The following PHC3 variants were observed in gnomAD, a reference collection of about 807,000 sequenced individuals.
PHC3 encodes the protein polyhomeotic homolog 3, also known as polyhomeotic-like protein 3.
In PHC3, 13 loss-of-function variants were observed where a neutral mutation model predicts 107.4. The observed-to-expected ratio is 0.12, with a 90% CI of 0.08 to 0.19. The LOEUF is 0.19. Ranked by LOEUF, PHC3 falls within the 10% of genes least tolerant of loss-of-function variation. The probability of loss-of-function intolerance (pLI) is 1.00; values close to 1 mark genes in which losing one functional copy is unlikely to be tolerated. For missense variants in PHC3, 992 were observed against 1,210.9 expected (o/e 0.82, Z 2.68); for synonymous variants, 456 against 427.4 (o/e 1.07, Z -0.83).
chr3:170,116,780 G>A (rs970172861), intron 10 of PHC3, among the ~76,000 whole-genome samples: 7 of 151,492 alleles, frequency 4.6e-5, no homozygotes, highest in African/African-American at 7.3e-5. Flanking sequence ...GCACGGTGGC[G>A]CACACCTGTA....
intron 11 of PHC3, among the ~76,000 whole-genome samples, chr3:170,108,212 T>C (rs953276962): frequency 2.0e-5 from 3 of 152,324 alleles, no homozygotes; most frequent in Admixed American, 6.5e-5. Flanking sequence ...AGCTTTTAGC[T>C]GTGAACTCCA....
intron 2 of PHC3, among the ~76,000 whole-genome samples, chr3:170,173,475 T>C (rs1309118034): frequency 6.6e-6 from 1 of 152,220 alleles, no homozygotes; most frequent in Non-Finnish European, 1.5e-5. Context: ...GAAATACCTT[T>C]ACCATGCAAC....
At position 170,178,879 on chromosome 3, in the gene PHC3, G is replaced by A; in HGVS notation, c.74C>T (p.Ser25Leu). ...TEPNPGTSSV[S>L]TTTSSTTTTT... is the part of the protein sequence containing the mutation. ...GGTGGTGGTACTGCTGGTTGTTGTT[G>A]ACACAGAAGATGTTCCCGGGTTTGG... Residue 25 changes from serine to leucine, a missense_variant, in exon 2 of 15, where the codon TCA (serine) becomes TTA (leucine). This residue lies in a region of PHC3 where 161 missense variants were observed against 183.7 expected (regional missense o/e 0.88). Coordinates refer to ENST00000495893, the MANE Select transcript of PHC3 (RefSeq NM_024947.4). The A allele has an allele frequency of 6.2e-7, 1 of 1,613,934 alleles. No homozygotes were observed. Among genetic ancestry groups the A allele is most frequent in the Non-Finnish European group, 8.5e-7 (1 of 1,179,826 alleles).
At position 170,117,440 on chromosome 3, in the gene PHC3, G is replaced by A; in HGVS notation, c.1979C>T (p.Ala660Val). ...VELPAVASVS[A>V]SVIKSPSDPS... ...ATCTGATGGAGATTTAATTACTGAA[G>A]CACTGACTGATGCCACAGCAGGTAA... The change falls in exon 10 of 15, where the codon GCT (alanine) becomes GTT (valine). Residue 660 changes from alanine to valine, a missense_variant. Physicochemically the swap from Ala to Val is moderately conservative, Grantham distance 64 (BLOSUM62 0). This residue lies in a region of PHC3 where 543 missense variants were observed against 590.8 expected (regional missense o/e 0.92). Coordinates refer to ENST00000495893, the MANE Select transcript of PHC3 (RefSeq NM_024947.4). 6.2e-7 allele frequency: 1 copy of A among 1,613,480 alleles called. No individual in the cohort carries two copies. The highest frequency in any genetic ancestry group is 8.5e-7 in the Non-Finnish European group (1 of 1,179,712).
At position 170,117,287 on chromosome 3, in the gene PHC3, G is replaced by C. The variant is rs111721883; in HGVS notation, c.2132C>G (p.Pro711Arg). Residue 711 changes from proline to arginine, a missense_variant, in exon 10 of 15, where the codon CCA (proline) becomes CGA (arginine). Coordinates refer to ENST00000495893, the MANE Select transcript of PHC3 (RefSeq NM_024947.4). ...TTCAATAACATGGGTTAGGATCTGT[G>C]GTTTAACAATAGCCTGTGGAGGTTT... ...ENKPPQAIVK[P>R]QILTHVIEGF... The C allele has an allele frequency of 6.2e-7, 1 of 1,613,826 alleles. No homozygotes were observed. The highest frequency in any genetic ancestry group is 8.5e-7 in the Non-Finnish European group (1 of 1,179,862).
chr3:170,123,280 T>C (rs991494838), intron 8 of PHC3, among the ~76,000 whole-genome samples: 1 of 151,976 alleles, frequency 6.6e-6, no homozygotes, highest in Non-Finnish European at 1.5e-5. Flanking sequence ...ATATCTCTCC[T>C]TTTCTGTTCT....
chr3:170,180,612 A>T (rs928717721), intron 1 of PHC3, among the ~76,000 whole-genome samples: 4 of 149,746 alleles, frequency 2.7e-5, no homozygotes, highest in African/African-American at 4.9e-5. Context: ...TCACAGCATC[A>T]TATGGTAACT....
intron 14 of PHC3, among the ~76,000 whole-genome samples, chr3:170,100,185 C>T (rs2108259846): frequency 6.6e-6 from 1 of 152,160 alleles, no homozygotes; most frequent in East Asian, 1.9e-4. Context: ...GGAAGGAAGC[C>T]TATCTCAACT....
chr3:170,164,827 G>A lies in PHC3; in HGVS notation c.414+6546C>T, dbSNP rs530745770. Among the ~76,000 whole-genome samples, 15 of 152,268 alleles carry A rather than the reference G, an allele frequency of 9.9e-5. No individual in the cohort carries two copies. The East Asian group carries it at 2.1e-3, about 22-fold the overall frequency. ...CCAAAGGACCAGGAAGGGCACAGCC[G>A]TGCAACACAGAAAACTTTTAGACAA... On this transcript the variant is annotated intron_variant, in intron 4 of 14. Coordinates refer to ENST00000495893, the MANE Select transcript of PHC3 (RefSeq NM_024947.4).
intron 4 of PHC3, among the ~76,000 whole-genome samples, chr3:170,159,214 T>A (rs1237060363): frequency 3.7e-5 from 5 of 136,840 alleles, no homozygotes; most frequent in Non-Finnish European, 6.0e-5. Flanking sequence ...ATCACGCCAC[T>A]GCACTCCAGC....
rs373998690 is a variant in PHC3 at position 170,128,689 on chromosome 3, G to A, written c.1783C>T (p.Pro595Ser). 6.2e-7 allele frequency: 1 copy of A among 1,613,718 alleles called. No individual in the cohort carries two copies. Among genetic ancestry groups the A allele is most frequent in the African/African-American group, 1.3e-5 (1 of 75,050 alleles). Residue 595 changes from proline (P) to serine (S), a missense_variant, in exon 8 of 15, where the codon CCA (proline) becomes TCA (serine). Physicochemically the swap from Pro to Ser is moderately conservative, Grantham distance 74. This residue lies in a region of PHC3 where 543 missense variants were observed against 590.8 expected (regional missense o/e 0.92). Coordinates refer to ENST00000495893, the MANE Select transcript of PHC3 (RefSeq NM_024947.4). ...AAGAGCTTCCAAGGGCTTACCACTG[G>A]TGGATCAACAGGTGCTGGTGGTTGC... ...QVQPPAPVDPPVVYQVEDVCE... is the reference protein window; with the variant it reads ...QVQPPAPVDPSVVYQVEDVCE...
intron 8 of PHC3, chr3:170,125,917 CATAACT>C (rs1208847467): frequency 5.9e-6 from 5 of 852,654 alleles, no homozygotes; most frequent in Admixed American, 1.2e-4. Flanking sequence ...CTGTTTAGCT[CATAACT>C]ATAACTATTC....
intron 7 of PHC3, among the ~76,000 whole-genome samples, chr3:170,131,145 TAA>T (rs35021791): frequency 0.19 from 26,513 of 136,364 alleles, 2,797 homozygotes; most frequent in African/African-American, 0.31. Context: ...CACTAATTGT[TAA>T]AAAAAAAAAA....
intron 8 of PHC3, among the ~76,000 whole-genome samples, chr3:170,124,667 C>T (rs1202174412): frequency 2.0e-5 from 3 of 152,200 alleles, no homozygotes; most frequent in Non-Finnish European, 2.9e-5. Flanking sequence ...ACACCTAGCC[C>T]CACAAATGTT....
chr3:170,163,582 G>T (rs1021421462), intron 4 of PHC3, among the ~76,000 whole-genome samples: 1 of 151,830 alleles, frequency 6.6e-6, no homozygotes, highest in Non-Finnish European at 1.5e-5. Flanking sequence ...TGCATAGTCC[G>T]CCGGGCACGG....
chr3:170,100,790 A>G (rs1715346527), intron 14 of PHC3, among the ~76,000 whole-genome samples: 1 of 152,230 alleles, frequency 6.6e-6, no homozygotes, highest in Admixed American at 6.5e-5. Flanking sequence ...TAAATAAAAA[A>G]AGAAGTGAAA....
At chr3:170,116,033 T>C (rs1266930983) in intron 10 of PHC3, among the ~76,000 whole-genome samples, 1 of 152,234 alleles carries the variant, frequency 6.6e-6, no homozygotes, top group East Asian at 1.9e-4. Context: ...TATATGCTTG[T>C]CTTTGATATA....
At position 170,181,710 on chromosome 3, in the gene PHC3, C is replaced by T. The variant is rs1235334844; in HGVS notation, c.6G>A (p.Ala2=). The T allele has an allele frequency of 3.1e-6, 5 of 1,613,192 alleles. No individual in the cohort carries two copies. In the East Asian group the frequency reaches 8.9e-5, roughly 29 times the overall value. Residue 2 remains alanine (A), a synonymous_variant, in exon 1 of 15, where the codon GCG becomes GCA. Transcript: ENST00000495893. ...ACCATCTAGTCACTCACTCCGCTTC[C>T]GCCATCTTCTCTCCTCCATCACTAA... M[A]EAEFKDHSTA... is the part of the protein sequence containing the mutation.
chr3:170,148,956 G>T, intron 5 of PHC3, 130 bp downstream of exon 5: 2 of 830,062 alleles, frequency 2.4e-6, no homozygotes, highest in Non-Finnish European at 3.7e-6. Flanking sequence ...CTGAAGGCAC[G>T]CCCGCATGCA....
Sources: gnomAD v4.1 joint callset for allele counts (sites outside exome capture counted in the v4.1 genomes callset) on GRCh38, gnomAD v4.1.1 for gene constraint, gnomAD v4.1.1 regional missense constraint, MANE v1.5 for transcripts, NCBI Gene and HGNC (gene_info 2026-07-23, HGNC 2026-07-21) for gene names.